The following SLC16A12 variants were observed in gnomAD, a reference collection of about 807,000 sequenced individuals.
SLC16A12 encodes monocarboxylate transporter 12.
In SLC16A12, 17 loss-of-function variants were observed where a neutral mutation model predicts 42.4. That is an observed-to-expected ratio of 0.40 (90% CI 0.27 to 0.60). SLC16A12 has a LOEUF of 0.60. SLC16A12 is among the 20% of genes least tolerant of loss of function. The pLI, the probability that SLC16A12 is intolerant of heterozygous loss-of-function variation, is 0.42. For missense variants in SLC16A12, 544 were observed against 623.0 expected, an observed-to-expected ratio of 0.87 and a Z score of 1.35; for synonymous variants, 224 against 229.4, an observed-to-expected ratio of 0.98 and a Z score of 0.21.
chr10:89,435,646 C>A (rs535481698), intron 7 of SLC16A12, among the ~76,000 whole-genome samples: 5 of 152,274 alleles, frequency 3.3e-5, no homozygotes, highest in African/African-American at 1.2e-4. Flanking sequence ...TGTCTGGCAC[C>A]CAAAACACTC....
chr10:89,441,033 A>T, intron 5 of SLC16A12, 75 bp downstream of exon 5: 2 of 1,565,748 alleles, frequency 1.3e-6, no homozygotes, highest in Non-Finnish European at 1.8e-6. Flanking sequence ...ATATTTTATG[A>T]ATTACTTCTC....
chr10:89,469,977 T>C (rs998564635), intron 2 of SLC16A12, among the ~76,000 whole-genome samples: 4 of 152,248 alleles, frequency 2.6e-5, no homozygotes, highest in African/African-American at 9.6e-5. Context: ...GTCTCCTTTT[T>C]TTAGGCATTT....
At chr10:89,451,953 T>C (rs1471426838) in intron 3 of SLC16A12, among the ~76,000 whole-genome samples, 2 of 152,204 alleles carry the variant, frequency 1.3e-5, no homozygotes, top group African/African-American at 4.8e-5. Flanking sequence ...GGGAATGAAG[T>C]GTCTACCAGC....
chr10:89,540,305 C>T (rs1843707708), upstream of SLC16A12, among the ~76,000 whole-genome samples: 1 of 152,018 alleles, frequency 6.6e-6, no homozygotes, highest in African/African-American at 2.4e-5. Flanking sequence ...TGCCATGTTG[C>T]CCAGGCTGGT....
At chr10:89,493,172 C>T (rs1372474598) in intron 2 of SLC16A12, among the ~76,000 whole-genome samples, 2 of 151,818 alleles carry the variant, frequency 1.3e-5, no homozygotes, top group Non-Finnish European at 2.9e-5. Context: ...AAATCCCACC[C>T]TTGAGGTTCT....
At chr10:89,542,052 C>T (rs549215291) in intron 2 of SLC16A12, among the ~76,000 whole-genome samples, 1 of 152,242 alleles carries the variant, frequency 6.6e-6, no homozygotes, top group Admixed American at 6.5e-5. Flanking sequence ...TTGAGGATTA[C>T]ATGAGATGAC....
At chr10:89,534,318 T>C (rs1564602730) in intron 2 of SLC16A12, among the ~76,000 whole-genome samples, 183 bp downstream of exon 2, 1 of 152,136 alleles carries the variant, frequency 6.6e-6, no homozygotes, top group Non-Finnish European at 1.5e-5. Flanking sequence ...ATTTTAACTG[T>C]TAGCGAGCTT....
chr10:89,528,039 C>T (rs1843483963), intron 2 of SLC16A12, among the ~76,000 whole-genome samples: 1 of 151,896 alleles, frequency 6.6e-6, no homozygotes, highest in African/African-American at 2.4e-5. Flanking sequence ...TAATATCTTT[C>T]TTATATAAAA....
upstream of SLC16A12, among the ~76,000 whole-genome samples, chr10:89,538,125 A>G (rs1487597097): frequency 6.6e-6 from 1 of 152,248 alleles, no homozygotes; most frequent in Non-Finnish European, 1.5e-5. Flanking sequence ...AAAGCAAAAC[A>G]ATCTCCTTTC....
intron 2 of SLC16A12, among the ~76,000 whole-genome samples, chr10:89,473,977 T>C (rs1842539657): frequency 6.6e-6 from 1 of 152,194 alleles, no homozygotes; most frequent in African/African-American, 2.4e-5. Flanking sequence ...AGCCCATCAC[T>C]ACCATACCCA....
At position 89,436,074 on chromosome 10, in the gene SLC16A12, C is replaced by T; in HGVS notation, c.1274G>A (p.Ser425Asn). 6.2e-7 allele frequency: 1 copy of T among 1,613,838 alleles called. No homozygotes were observed. The highest frequency in any genetic ancestry group is 8.5e-7 in the Non-Finnish European group (1 of 1,179,836). ...YFLHAVPYLV[S>N]PPIAGRLVDT... The stretch of plus-strand genomic sequence containing the variant: ...TGGAAACTTACCTGCGATGGGTGGG[C>T]TCACCAAGTATGGCACTGCGTGAAG... The change falls in exon 7 of 8, where the codon AGC becomes AAC. Residue 425 changes from serine to asparagine, a missense_variant. Physicochemically the swap from Ser to Asn is conservative, Grantham distance 46. Transcript: ENST00000371790.
chr10:89,486,606 AGAAAG>A (rs1842749006), intron 2 of SLC16A12, among the ~76,000 whole-genome samples: 2 of 44,856 alleles, frequency 4.5e-5, no homozygotes, highest in South Asian at 7.6e-4. Flanking sequence ...AAAAAAAAAA[AGAAAG>A]AAAGAAAGAA....
At chr10:89,479,823 T>G (rs1225361395) in intron 2 of SLC16A12, among the ~76,000 whole-genome samples, 2 of 152,214 alleles carry the variant, frequency 1.3e-5, no homozygotes, top group Non-Finnish European at 2.9e-5. Context: ...ATCCTGTGAT[T>G]ATTATGATTT....
intron 2 of SLC16A12, among the ~76,000 whole-genome samples, chr10:89,507,817 C>G (rs1195384202): frequency 1.3e-5 from 2 of 152,074 alleles, no homozygotes; most frequent in South Asian, 2.1e-4. Flanking sequence ...CATCAGTGCA[C>G]TGTATTCAGG....
intron 2 of SLC16A12, among the ~76,000 whole-genome samples, chr10:89,481,664 T>TGTGTGTGTGAGA (rs559651910): frequency 1.4e-5 from 2 of 139,570 alleles, no homozygotes; most frequent in African/African-American, 2.7e-5. Flanking sequence ...TGTGTGTGTG[T>TGTGTGTGTGAGA]GAGAGAGAGA....
intron 2 of SLC16A12, among the ~76,000 whole-genome samples, chr10:89,479,678 T>C (rs1842633958): frequency 6.6e-6 from 1 of 152,212 alleles, no homozygotes; most frequent in Admixed American, 6.5e-5. Flanking sequence ...TGAAATGAGG[T>C]AACCCATATT....
At chr10:89,535,724 A>G (rs1432406979), upstream of SLC16A12, among the ~76,000 whole-genome samples, 2 of 151,488 alleles carry the variant, frequency 1.3e-5, no homozygotes, top group African/African-American at 2.4e-5. Context: ...GCGCGCGGAC[A>G]TGCCCCCGGG....
chr10:89,445,559 C>T (rs368784418), intron 3 of SLC16A12, among the ~76,000 whole-genome samples: 13 of 152,306 alleles, frequency 8.5e-5, no homozygotes, highest in African/African-American at 1.9e-4. Context: ...ATAACATCAA[C>T]GTCAACAAAA....
At chr10:89,542,151 G>T (rs1200758057) in intron 2 of SLC16A12, among the ~76,000 whole-genome samples, 3 of 151,850 alleles carry the variant, frequency 2.0e-5, no homozygotes, top group African/African-American at 7.3e-5. Context: ...GTGAAGGTGA[G>T]GTGTTCTCTG....
Sources: gnomAD v4.1 joint callset for allele counts (sites outside exome capture counted in the v4.1 genomes callset) on GRCh38, gnomAD v4.1.1 for gene constraint, MANE v1.5 for transcripts, NCBI Gene and HGNC (gene_info 2026-07-23, HGNC 2026-07-21) for gene names.